The following FSTL5 variants were observed in gnomAD, a reference collection of about 807,000 sequenced individuals.
FSTL5 encodes follistatin like 5.
Under a neutral mutation model 89.1 loss-of-function variants are expected in FSTL5, and 62 were observed. That is an observed-to-expected ratio of 0.70 (90% CI 0.57 to 0.86). The LOEUF is 0.86. Among genes scored for constraint, FSTL5 ranks in the 40% least tolerant of loss-of-function variants. The pLI, the probability that FSTL5 is intolerant of heterozygous loss-of-function variation, is 0.00. For missense variants in FSTL5, 1,057 were observed against 1,001.6 expected, an observed-to-expected ratio of 1.06 and a Z score of -0.75; for synonymous variants, 383 against 346.2, an observed-to-expected ratio of 1.11 and a Z score of -1.18.
intron 8 of FSTL5, among the ~76,000 whole-genome samples, chr4:161,563,883 C>T (rs1016959725): frequency 2.0e-5 from 3 of 151,740 alleles, no homozygotes; most frequent in Non-Finnish European, 2.9e-5. Flanking sequence ...GTAGTAGCGC[C>T]TTACTACATG....
At chr4:161,614,321 G>C (rs967167508) in intron 7 of FSTL5, among the ~76,000 whole-genome samples, 4 of 152,138 alleles carry the variant, frequency 2.6e-5, no homozygotes, top group African/African-American at 9.7e-5. Context: ...ATTCTGAGAA[G>C]ATAAATTGAG....
At position 162,025,076 on chromosome 4, in the gene FSTL5, AT is replaced by A. The variant is rs550590208; in HGVS notation, c.160+8548del. ...TTATGGTCAAAGTACTGTCTACTGT[AT>A]TTTTTTTTCATTACAGTGCTCCATG... On this transcript the variant is annotated intron_variant, in intron 3 of 15. Transcript: ENST00000306100. Among the ~76,000 whole-genome samples, 426 of 151,410 alleles carry A rather than the reference AT, an allele frequency of 2.8e-3. 2 individuals carry two copies. Among genetic ancestry groups the A allele is most frequent in the African/African-American group, 9.5e-3 (394 of 41,318 alleles).
At chr4:162,003,879 T>C (rs1736536497) in intron 3 of FSTL5, among the ~76,000 whole-genome samples, 1 of 152,184 alleles carries the variant, frequency 6.6e-6, no homozygotes, top group Non-Finnish European at 1.5e-5. Context: ...TAGATATAGG[T>C]AGTTTGTGCA....
intron 1 of FSTL5, among the ~76,000 whole-genome samples, chr4:162,134,998 T>A (rs1732469395): frequency 6.6e-6 from 1 of 152,204 alleles, no homozygotes; most frequent in Non-Finnish European, 1.5e-5. Context: ...ATGTGCTAAC[T>A]TGGAAACTAC....
intron 15 of FSTL5, among the ~76,000 whole-genome samples, chr4:161,431,055 T>A (rs186500220): frequency 6.2e-4 from 95 of 152,278 alleles, no homozygotes; most frequent in African/African-American, 2.1e-3. Context: ...CAAAAAATGT[T>A]AAAGACAGTT....
chr4:162,146,852 G>C (rs904243419), intron 1 of FSTL5, among the ~76,000 whole-genome samples: 5 of 151,348 alleles, frequency 3.3e-5, no homozygotes, highest in Admixed American at 2.6e-4. Flanking sequence ...TGGGATCTTG[G>C]CTCACTGCAA....
intron 3 of FSTL5, among the ~76,000 whole-genome samples, chr4:161,973,130 C>A (rs1391652023): frequency 6.6e-6 from 1 of 152,064 alleles, no homozygotes; most frequent in Non-Finnish European, 1.5e-5. Flanking sequence ...CTTATGAAAT[C>A]ACTATTTGAT....
chr4:161,661,671 A>G lies in FSTL5; in HGVS notation c.728-5177T>C, dbSNP rs117505943. Among the ~76,000 whole-genome samples, 917 of 152,296 alleles carry G rather than the reference A, an allele frequency of 6.0e-3. 9 individuals are homozygous for G. The highest frequency in any genetic ancestry group is 0.045 in the South Asian group (219 of 4,824). The stretch of plus-strand genomic sequence containing the variant: ...ATAATTTAGACATGCCAAGATATTC[A>G]TAAATTTATTATGATGAAATGCTTA... On this transcript the variant is annotated intron_variant, in intron 6 of 15. Transcript: ENST00000306100.
chr4:161,407,661 G>A (rs1323332497), intron 15 of FSTL5, among the ~76,000 whole-genome samples: 8 of 152,160 alleles, frequency 5.3e-5, no homozygotes, highest in Admixed American at 5.2e-4. Context: ...GGGACCTTTT[G>A]GCATAGGTCA....
chr4:161,804,902 T>C (rs1729911376), intron 4 of FSTL5, among the ~76,000 whole-genome samples: 2 of 152,078 alleles, frequency 1.3e-5, no homozygotes, highest in African/African-American at 2.4e-5. Flanking sequence ...ATGCTGTTAC[T>C]GATTTTTCAG....
At chr4:162,125,269 G>T (rs6833160) in intron 1 of FSTL5, among the ~76,000 whole-genome samples, 1 of 151,790 alleles carries the variant, frequency 6.6e-6, no homozygotes. Flanking sequence ...CTTATTTAAT[G>T]GTTTATGATA....
intron 13 of FSTL5, among the ~76,000 whole-genome samples, chr4:161,467,915 T>C (rs535278286): frequency 6.6e-6 from 1 of 152,204 alleles, no homozygotes; most frequent in Non-Finnish European, 1.5e-5. Flanking sequence ...CTTGAGGTAG[T>C]TATCTACAGT....
chr4:162,061,199 A>G (rs1299918853), intron 2 of FSTL5, among the ~76,000 whole-genome samples: 1 of 152,158 alleles, frequency 6.6e-6, no homozygotes, highest in Admixed American at 6.6e-5. Context: ...AATAGGAGAT[A>G]GGTTGAGAGA....
Position 161,386,274 on chromosome 4 carries a change from C to T in FSTL5, c.2017G>A (p.Val673Ile). Reference sequence around the variant, plus strand: ...CCGTCCACCATGACCTGTGGGGAAACTGCTCCGGTGCTGTCAGGTTTGCAG... The same window carrying T: ...CCGTCCACCATGACCTGTGGGGAAATTGCTCCGGTGCTGTCAGGTTTGCAG... Reference protein sequence around the residue: ...IGCKPDSTGAVSPQVMVDGVT... With the variant: ...IGCKPDSTGAISPQVMVDGVT... The change falls in exon 16 of 16, where the codon GTT (valine) becomes ATT (isoleucine). Residue 673 changes from valine to isoleucine, a missense_variant. Physicochemically the swap from Val to Ile is conservative, Grantham distance 29 (BLOSUM62 3). This residue lies in a region of FSTL5 where 980 missense variants were observed against 903.2 expected (regional missense o/e 1.08). Coordinates refer to ENST00000306100, the MANE Select transcript of FSTL5 (RefSeq NM_020116.5). The T allele has an allele frequency of 6.2e-7, 1 of 1,614,016 alleles. No individual in the cohort carries two copies. The highest frequency in any genetic ancestry group is 8.5e-7 in the Non-Finnish European group (1 of 1,179,964).
At chr4:161,784,895 A>AAAAAAAACAAAAACAAAAAC (rs1553965825) in intron 4 of FSTL5, among the ~76,000 whole-genome samples, 6 of 141,964 alleles carry the variant, frequency 4.2e-5, no homozygotes, top group African/African-American at 1.6e-4. Context: ...TCCGTCTCAA[A>AAAAAAAACAAAAACAAAAAC]AAAAACAAAA....
At chr4:161,779,767 A>T (rs1366960715) in intron 4 of FSTL5, among the ~76,000 whole-genome samples, 304 of 22,322 alleles carry the variant, frequency 0.014, 37 homozygotes, top group Middle Eastern at 0.067. Flanking sequence ...AGTTATATAT[A>T]TATATATGTA....
chr4:161,585,265 T>C (rs1021707580), intron 8 of FSTL5, among the ~76,000 whole-genome samples: 2 of 152,138 alleles, frequency 1.3e-5, no homozygotes, highest in African/African-American at 4.8e-5. Context: ...ACATCAGACA[T>C]GAATGAAGAG....
chr4:161,527,069 C>A (rs1362836015), intron 10 of FSTL5, among the ~76,000 whole-genome samples: 1 of 152,176 alleles, frequency 6.6e-6, no homozygotes, highest in East Asian at 1.9e-4. Flanking sequence ...TCTTCCTACC[C>A]ATGAGCAAGG....
At position 162,153,635 on chromosome 4, in the gene FSTL5, A is replaced by AATATATATATT. The variant is rs796623391; in HGVS notation, c.-17+9979_-17+9980insAATATATATAT. On this transcript the variant is annotated intron_variant, in intron 1 of 15. Transcript: ENST00000306100. ...TATGTATATTATATATGTATATAAT[A>AATATATATATT]ATATATGTATATTATATATGTATAT... is the stretch of plus-strand genomic sequence containing the variant. 5.6e-4 allele frequency among the ~76,000 whole-genome samples: 69 copies of AATATATATATT among 122,330 alleles called. 2 individuals carry two copies. Among genetic ancestry groups the AATATATATATT allele is most frequent in the African/African-American group, 2.1e-3 (68 of 31,746 alleles). The allele number at this position is 122,330 out of a possible 152,430, so 80.3% of individuals were successfully genotyped here. A position where few individuals can be genotyped will look rare whatever the true frequency, so the allele number is the denominator to read the frequency against.
Sources: allele counts gnomAD v4.1 joint callset (sites outside exome capture counted in the v4.1 genomes callset), GRCh38; gene constraint gnomAD v4.1.1; regional missense constraint gnomAD v4.1.1; transcripts MANE v1.5; gene names NCBI Gene and HGNC (gene_info 2026-07-23, HGNC 2026-07-21).